Variants in OR6X1 observed in about 807,000 individuals in gnomAD.
OR6X1 encodes the protein olfactory receptor 6X1.
For missense variants in OR6X1, 354 were observed against 372.2 expected (o/e 0.95, Z 0.40); for synonymous variants, 160 against 149.8 (o/e 1.07, Z -0.50).
Position 123,754,101 on chromosome 11 carries a change from G to T in OR6X1, c.418C>A (p.Leu140Met). ...ACCCAGGAGCTCAGGGCCAGCTGCA[G>T]GCAGAGTTTGCTGGTCATGATGGTG... ...HPTIMTSKLC[L>M]QLALSSWVVG... Residue 140 changes from leucine to methionine, a missense_variant, in exon 1 of 1, where the codon CTG becomes ATG. Leu to Met is a conservative substitution (Grantham distance 15). Transcript: ENST00000327930. 1 of 1,614,152 alleles carries T rather than the reference G, an allele frequency of 6.2e-7. No individual in the cohort carries two copies. The highest frequency in any genetic ancestry group is 1.1e-5 in the South Asian group (1 of 91,070).
At position 123,753,649 on chromosome 11, in the gene OR6X1, A is replaced by G. The variant is rs777701390; in HGVS notation, c.870T>C (p.Ile290=). The G allele has an allele frequency of 8.7e-6, 14 of 1,611,374 alleles. No homozygotes were observed. The highest frequency in any genetic ancestry group is 3.3e-5 in the South Asian group (3 of 90,660). ...AGGCTCCCTTCACCTCCTTGTTTCTAATAGTATAAATAAAGGGATTCAGAA... is the reference window on the plus strand; with the variant it reads ...AGGCTCCCTTCACCTCCTTGTTTCTGATAGTATAAATAAAGGGATTCAGAA... The part of the protein sequence containing the change: ...TPLLNPFIYT[I]RNKEVKGALR... Residue 290 remains isoleucine (I), a synonymous_variant, in exon 1 of 1, where the codon ATT becomes ATC. Coordinates refer to ENST00000327930, the MANE Select transcript of OR6X1 (RefSeq NM_001005188.1).
chr11:123,754,188 A>G lies in OR6X1; in HGVS notation c.331T>C (p.Leu111=), dbSNP rs142921403. ...FHFFVGTTEF[L]ILTIMSFDRY... ...TCAAAAGACATGATAGTGAGGATCA[A>G]GAACTCGGTGGTGCCCACGAAGAAG... The change falls in exon 1 of 1, where the codon TTG becomes CTG. Residue 111 remains leucine, a synonymous_variant. Coordinates refer to ENST00000327930, the MANE Select transcript of OR6X1 (RefSeq NM_001005188.1). 199 of 1,614,088 alleles carry G rather than the reference A, an allele frequency of 1.2e-4. No homozygotes were observed. Among genetic ancestry groups the G allele is most frequent in the Non-Finnish European group, 1.6e-4 (192 of 1,180,048 alleles).
Position 123,753,766 on chromosome 11 carries a change from C to T in OR6X1, c.753G>A (p.Gly251=). 1 of 1,613,948 alleles carries T rather than the reference C, an allele frequency of 6.2e-7. No individual in the cohort carries two copies. Among genetic ancestry groups the T allele is most frequent in the Non-Finnish European group, 8.5e-7 (1 of 1,179,986 alleles). ...SHLTVVSLLY[G]AVLFMYLRPT... ...GTCTTAGGTACATGAACAGAACAGC[C>T]CCGTAGAGCAGGGAGACAACTGTCA... Residue 251 remains glycine, a synonymous_variant, in exon 1 of 1, where the codon GGG becomes GGA. Coordinates refer to ENST00000327930, the MANE Select transcript of OR6X1 (RefSeq NM_001005188.1).
At position 123,754,451 on chromosome 11, in the gene OR6X1, G is replaced by T. The variant is rs746426078; in HGVS notation, c.68C>A (p.Thr23Lys). Residue 23 changes from threonine to lysine, a missense_variant, in exon 1 of 1, where the codon ACA (threonine) becomes AAA (lysine). Thr to Lys is a moderately conservative substitution (Grantham distance 78, BLOSUM62 -1). Transcript: ENST00000327930. ...LGFPVIQGLQ[T>K]PLFIAIFLTY... The stretch of plus-strand genomic sequence containing the variant: ...GAGAAAGATTGCAATAAAGAGAGGT[G>T]TTTGTAGGCCTTGGATAACAGGAAA... 2.2e-5 allele frequency: 36 copies of T among 1,613,924 alleles called. No homozygotes were observed. The highest frequency in any genetic ancestry group is 2.8e-5 in the Non-Finnish European group (33 of 1,179,948).
Position 123,754,422 on chromosome 11 carries a change from A to T in OR6X1, c.97T>A (p.Tyr33Asn). 1 of 1,614,052 alleles carries T rather than the reference A, an allele frequency of 6.2e-7. No homozygotes were observed. The highest frequency in any genetic ancestry group is 8.5e-7 in the Non-Finnish European group (1 of 1,179,886). Residue 33 changes from tyrosine to asparagine, a missense_variant, in exon 1 of 1, where the codon TAC (tyrosine) becomes AAC (asparagine). Tyr to Asn is a moderately radical substitution (Grantham distance 143, BLOSUM62 -2). Coordinates refer to ENST00000327930, the MANE Select transcript of OR6X1 (RefSeq NM_001005188.1). Reference protein sequence around the residue: ...TPLFIAIFLTYILTLAGNGLI... With the variant: ...TPLFIAIFLTNILTLAGNGLI... ...CCATTGCCTGCAAGGGTTAATATGT[A>T]GGTGAGAAAGATTGCAATAAAGAGA...
In OR6X1 at chr11:123,753,972, A is replaced by G; in HGVS notation, c.547T>C (p.Leu183=). The G allele has an allele frequency of 6.2e-7, 1 of 1,614,202 alleles. No individual in the cohort carries two copies. The highest frequency in any genetic ancestry group is 8.5e-7 in the Non-Finnish European group (1 of 1,180,048). ...CTGGTGTCTATGCAGGCGGCTTTCA[A>G]ACTGGGCCCAACATCACAGTAGAAA... ...SHFYCDVGPS[L]KAACIDTSIL... The change falls in exon 1 of 1, where the codon TTG becomes CTG. Residue 183 remains leucine, a synonymous_variant. Transcript: ENST00000327930.
In OR6X1 at chr11:123,753,680, G is replaced by T; in HGVS notation, c.839C>A (p.Thr280Asn). 6.2e-7 allele frequency: 1 copy of T among 1,613,934 alleles called. No homozygotes were observed. Among genetic ancestry groups the T allele is most frequent in the Non-Finnish European group, 8.5e-7 (1 of 1,179,852 alleles). ...ATAAATAAAGGGATTCAGAAGGGGGGTGAGGATAGTATTTAGCACAGACAC... is the reference window on the plus strand; with the variant it reads ...ATAAATAAAGGGATTCAGAAGGGGGTTGAGGATAGTATTTAGCACAGACAC... ...KVVSVLNTILTPLLNPFIYTI... is the reference protein window; with the variant it reads ...KVVSVLNTILNPLLNPFIYTI... The change falls in exon 1 of 1, where the codon ACC becomes AAC. Residue 280 changes from threonine (T) to asparagine (N), a missense_variant. Physicochemically the swap from Thr to Asn is moderately conservative, Grantham distance 65 (BLOSUM62 0). Coordinates refer to ENST00000327930, the MANE Select transcript of OR6X1 (RefSeq NM_001005188.1).
chr11:123,754,075 C>T lies in OR6X1; in HGVS notation c.444G>A (p.Val148=). Residue 148 remains valine (V), a synonymous_variant, in exon 1 of 1, where the codon GTG becomes GTA. Transcript: ENST00000327930. ...GACAAAAGACAATGGTGAAGCCCAC[C>T]ACCCAGGAGCTCAGGGCCAGCTGCA... is the stretch of plus-strand genomic sequence containing the variant. ...LCLQLALSSW[V]VGFTIVFCQT... is the part of the protein sequence containing the mutation. 1.9e-6 allele frequency: 3 copies of T among 1,614,116 alleles called. No individual in the cohort carries two copies. Among genetic ancestry groups the T allele is most frequent in the Middle Eastern group, 1.6e-4 (1 of 6,062 alleles).
Position 123,753,795 on chromosome 11 carries a change from G to A in OR6X1, c.724C>T (p.His242Tyr), listed in dbSNP as rs1297724805. The change falls in exon 1 of 1, where the codon CAC becomes TAC. Residue 242 changes from histidine (H) to tyrosine (Y), a missense_variant. Coordinates refer to ENST00000327930, the MANE Select transcript of OR6X1 (RefSeq NM_001005188.1). ...HQKTFSTCAS[H>Y]LTVVSLLYGA... The stretch of plus-strand genomic sequence containing the variant: ...TAGAGCAGGGAGACAACTGTCAGGT[G>A]CGAGGCACAGGTAGAGAAAGTCTTT... 1.2e-6 allele frequency: 2 copies of A among 1,614,018 alleles called. No homozygotes were observed. Among genetic ancestry groups the A allele is most frequent in the Non-Finnish European group, 8.5e-7 (1 of 1,180,032 alleles).
At position 123,753,676 on chromosome 11, in the gene OR6X1, G is replaced by C. The variant is rs74789559; in HGVS notation, c.843C>G (p.Pro281=). Residue 281 remains proline (P), a synonymous_variant, in exon 1 of 1, where the codon CCC becomes CCG. Transcript: ENST00000327930. ...VVSVLNTILT[P]LLNPFIYTIR... is the part of the protein sequence containing the mutation. The stretch of plus-strand genomic sequence containing the variant: ...TAGTATAAATAAAGGGATTCAGAAG[G>C]GGGGTGAGGATAGTATTTAGCACAG... 4,565 of 1,613,892 alleles carry C rather than the reference G, an allele frequency of 2.8e-3. 101 individuals carry two copies. In the African/African-American group the frequency reaches 0.051, roughly 18 times the overall value.
chr11:123,753,940 C>T lies in OR6X1; in HGVS notation c.579G>A (p.Leu193=), dbSNP rs942833978. The stretch of plus-strand genomic sequence containing the variant: ...TGGTTGCTATGACGCCCAGGAGTTC[C>T]AAAATGCTGGTGTCTATGCAGGCGG... ...LKAACIDTSI[L]ELLGVIATIL... The change falls in exon 1 of 1, where the codon TTG becomes TTA. Residue 193 remains leucine, a synonymous_variant. Transcript: ENST00000327930. The T allele has an allele frequency of 4.3e-6, 7 of 1,614,016 alleles. No homozygotes were observed. The Admixed American group carries it at 1.0e-4, about 23-fold the overall frequency.
chr11:123,754,148 A>G lies in OR6X1; in HGVS notation c.371T>C (p.Ile124Thr). ...TIMSFDRYLTICNPLHHPTIM... is the reference protein window; with the variant it reads ...TIMSFDRYLTTCNPLHHPTIM... ...GGTGGGGTGGTGAAGGGGATTGCAG[A>G]TGGTGAGGTAGCGGTCAAAAGACAT... Residue 124 changes from isoleucine (I) to threonine (T), a missense_variant, in exon 1 of 1, where the codon ATC becomes ACC. Transcript: ENST00000327930. 1 of 1,614,126 alleles carries G rather than the reference A, an allele frequency of 6.2e-7. No homozygotes were observed. The highest frequency in any genetic ancestry group is 1.1e-5 in the South Asian group (1 of 91,070).
rs768851792 is a variant in OR6X1, at chr11:123,754,465, G to C, written c.54C>G (p.Ile18Met). 1 of 1,613,718 alleles carries C rather than the reference G, an allele frequency of 6.2e-7. No individual in the cohort carries two copies. The highest frequency in any genetic ancestry group is 8.5e-7 in the Non-Finnish European group (1 of 1,179,734). The change falls in exon 1 of 1, where the codon ATC becomes ATG. Residue 18 changes from isoleucine to methionine, a missense_variant. Ile to Met is a conservative substitution (Grantham distance 10). Coordinates refer to ENST00000327930, the MANE Select transcript of OR6X1 (RefSeq NM_001005188.1). ...TAAAGAGAGGTGTTTGTAGGCCTTG[G>C]ATAACAGGAAAGCCTAGCAGGATGA... ...TEFILLGFPV[I>M]QGLQTPLFIA...
Position 123,753,587 on chromosome 11 carries a change from G to T in OR6X1, c.932C>A (p.Ala311Glu), listed in dbSNP as rs1203037550. Residue 311 changes from alanine to glutamate, a missense_variant, in exon 1 of 1, where the codon GCA becomes GAA. Physicochemically the swap from Ala to Glu is moderately radical, Grantham distance 107. Transcript: ENST00000327930. ...KAMTCPKTGHAK is the reference protein window; with the variant it reads ...KAMTCPKTGHEK ...TTTGATGTGTTGCATGTTTTACTTT[G>T]CATGACCAGTCTTTGGGCAAGTCAT... 2.6e-6 allele frequency: 4 copies of T among 1,552,998 alleles called. No homozygotes were observed. The highest frequency in any genetic ancestry group is 1.4e-5 in the African/African-American group (1 of 72,616).
Position 123,754,365 on chromosome 11 carries a change from T to C in OR6X1, c.154A>G (p.Arg52Gly). 1 of 1,614,192 alleles carries C rather than the reference T, an allele frequency of 6.2e-7. No homozygotes were observed. The highest frequency in any genetic ancestry group is 8.5e-7 in the Non-Finnish European group (1 of 1,180,028). Residue 52 changes from arginine (R) to glycine (G), a missense_variant, in exon 1 of 1, where the codon AGG becomes GGG. By Grantham distance (125) the Arg-to-Gly change is moderately radical. Coordinates refer to ENST00000327930, the MANE Select transcript of OR6X1 (RefSeq NM_001005188.1). Reference protein sequence around the residue: ...LIIATVWAEPRLQIPMYFFLC... With the variant: ...LIIATVWAEPGLQIPMYFFLC... ...AAGAAGTACATTGGAATTTGTAGCC[T>C]GGGCTCAGCCCACACAGTGGCAATA...
rs1862018199 is a variant in OR6X1, at chr11:123,753,608, G to A, written c.911C>T (p.Thr304Ile). Residue 304 changes from threonine (T) to isoleucine (I), a missense_variant, in exon 1 of 1, where the codon ACT becomes ATT. Physicochemically the swap from Thr to Ile is moderately conservative, Grantham distance 89 (BLOSUM62 -1). Coordinates refer to ENST00000327930, the MANE Select transcript of OR6X1 (RefSeq NM_001005188.1). ...CTTTGCATGACCAGTCTTTGGGCAA[G>A]TCATTGCCTTTCTTAAGGCTCCCTT... ...EVKGALRKAM[T>I]CPKTGHAK is the part of the protein sequence containing the mutation. 1 of 1,593,190 alleles carries A rather than the reference G, an allele frequency of 6.3e-7. No homozygotes were observed. The highest frequency in any genetic ancestry group is 1.1e-5 in the South Asian group (1 of 87,460).
rs777869911 is a variant in OR6X1, at chr11:123,754,158, A to G, written c.361T>C (p.Tyr121His). The G allele has an allele frequency of 4.3e-6, 7 of 1,614,116 alleles. No individual in the cohort carries two copies. The East Asian group carries it at 1.1e-4, about 26-fold the overall frequency. ...TGAAGGGGATTGCAGATGGTGAGGTAGCGGTCAAAAGACATGATAGTGAGG... is the reference window on the plus strand; with the variant it reads ...TGAAGGGGATTGCAGATGGTGAGGTGGCGGTCAAAAGACATGATAGTGAGG... ...LILTIMSFDR[Y>H]LTICNPLHHP... Residue 121 changes from tyrosine (Y) to histidine (H), a missense_variant, in exon 1 of 1, where the codon TAC becomes CAC. Tyr to His is a moderately conservative substitution (Grantham distance 83, BLOSUM62 2). Transcript: ENST00000327930.
In OR6X1 at chr11:123,753,805, G is replaced by T; in HGVS notation, c.714C>A (p.Thr238=). 6.2e-7 allele frequency: 1 copy of T among 1,614,164 alleles called. No individual in the cohort carries two copies. Among genetic ancestry groups the T allele is most frequent in the African/African-American group, 1.3e-5 (1 of 75,046 alleles). The change falls in exon 1 of 1, where the codon ACC becomes ACA. Residue 238 remains threonine (T), a synonymous_variant. Coordinates refer to ENST00000327930, the MANE Select transcript of OR6X1 (RefSeq NM_001005188.1). ...AGACAACTGTCAGGTGCGAGGCACA[G>T]GTAGAGAAAGTCTTTTGGTGGCCAG... ...SATGHQKTFS[T]CASHLTVVSL...
Position 123,753,683 on chromosome 11 carries a change from A to C in OR6X1, c.836T>G (p.Leu279Arg). The C allele has an allele frequency of 6.2e-7, 1 of 1,613,992 alleles. No individual in the cohort carries two copies. The highest frequency in any genetic ancestry group is 8.5e-7 in the Non-Finnish European group (1 of 1,179,914). The change falls in exon 1 of 1, where the codon CTC becomes CGC. Residue 279 changes from leucine (L) to arginine (R), a missense_variant. Leu to Arg is a moderately radical substitution (Grantham distance 102, BLOSUM62 -2). Transcript: ENST00000327930. ...NKVVSVLNTI[L>R]TPLLNPFIYT... ...AATAAAGGGATTCAGAAGGGGGGTG[A>C]GGATAGTATTTAGCACAGACACCAC...
Sources: allele counts gnomAD v4.1 joint callset, GRCh38; gene constraint gnomAD v4.1.1; transcripts MANE v1.5; gene names NCBI Gene and HGNC (gene_info 2026-07-23, HGNC 2026-07-21).